Variants in MOV10L1 observed in about 807,000 individuals in gnomAD.
MOV10L1 encodes the protein RNA helicase Mov10l1.
Under a neutral mutation model 143.8 loss-of-function variants are expected in MOV10L1, and 110 were observed. The ratio of observed to expected loss-of-function variants is 0.76; its 90% CI spans 0.66 to 0.90. MOV10L1 has a LOEUF of 0.90. MOV10L1 is among the 40% of genes least tolerant of loss of function. The pLI is 0.00. For synonymous variants in MOV10L1, 593 were observed against 581.1 expected, an observed-to-expected ratio of 1.02 and a Z score of -0.29; for missense variants, 1,406 against 1,526.8, an observed-to-expected ratio of 0.92 and a Z score of 1.32.
chr22:50,091,843 T>G (rs2062452293), intron 1 of MOV10L1, among the ~76,000 whole-genome samples, 158 bp from the exon 2 acceptor site: 1 of 152,196 alleles, frequency 6.6e-6, no homozygotes, highest in Non-Finnish European at 1.5e-5. Context: ...CAGCACTCTC[T>G]GATGGGATTC....
At chr22:50,127,903 G>T (rs560282568) in intron 12 of MOV10L1, among the ~76,000 whole-genome samples, 2 of 152,074 alleles carry the variant, frequency 1.3e-5, no homozygotes, top group East Asian at 3.9e-4. Context: ...CTCCCAAGTA[G>T]CTGGGATTAC....
intron 12 of MOV10L1, 87 bp downstream of exon 12, chr22:50,126,359 G>A: frequency 1.0e-6 from 1 of 967,844 alleles, no homozygotes. Context: ...GGCTCTTGGG[G>A]AGATGCTCCC....
At chr22:50,092,371 C>T (rs1827422418) in intron 2 of MOV10L1, among the ~76,000 whole-genome samples, 186 bp downstream of exon 2, 2 of 152,192 alleles carry the variant, frequency 1.3e-5, no homozygotes, top group South Asian at 4.1e-4. Context: ...TGGCTCACGC[C>T]TGTAATCCCA....
In MOV10L1 at chr22:50,152,803, AC is replaced by A. The variant is rs1250185633; in HGVS notation, c.2893-241del. Reference sequence around the variant, plus strand: ...AGCGGCACCCAGACCCAGGAGAGGAACAGAGGGCAGCCGTCACACCCTTTTC... The same window carrying A: ...AGCGGCACCCAGACCCAGGAGAGGAAAGAGGGCAGCCGTCACACCCTTTTC... On this transcript the variant is annotated intron_variant, in intron 21 of 26. Transcript: ENST00000262794. This position sits in a 1 kb window ranked among gnomAD's most constrained non-coding sequence, Gnocchi z 4.4. 6.6e-6 allele frequency among the ~76,000 whole-genome samples: 1 copy of A among 152,120 alleles called. No individual in the cohort carries two copies. Among genetic ancestry groups the A allele is most frequent in the Non-Finnish European group, 1.5e-5 (1 of 68,006 alleles).
At chr22:50,142,231 C>A in intron 16 of MOV10L1, 42 bp downstream of exon 16, 1 of 1,524,282 alleles carries the variant, frequency 6.6e-7, no homozygotes, top group Non-Finnish European at 9.0e-7. Context: ...AACTCTGAGA[C>A]TGTCGCCTGG....
At chr22:50,108,524 A>G in intron 4 of MOV10L1, 133 bp from the exon 5 acceptor site, 1 of 923,680 alleles carries the variant, frequency 1.1e-6, no homozygotes, top group Non-Finnish European at 1.7e-6. Flanking sequence ...TCACTGGACC[A>G]GTGCTACGGG....
rs759250401 is a variant in MOV10L1 at position 50,092,207 on chromosome 22, G to A, written c.282+22G>A. On this transcript the variant is annotated intron_variant, in intron 2 of 26. Coordinates refer to ENST00000262794, the MANE Select transcript of MOV10L1 (RefSeq NM_018995.3). ...CAGGGTAAGGTTTGAGTTCATTTGGGAACAGTTTTTCTTCGCCACGGGACT... is the reference window on the plus strand; with the variant it reads ...CAGGGTAAGGTTTGAGTTCATTTGGAAACAGTTTTTCTTCGCCACGGGACT... The A allele has an allele frequency of 3.1e-6, 5 of 1,602,336 alleles. No homozygotes were observed. The Admixed American group carries it at 5.1e-5, about 16-fold the overall frequency.
chr22:50,144,146 A>G lies in MOV10L1; in HGVS notation c.2408A>G (p.Asn803Ser), dbSNP rs143335661. The G allele has an allele frequency of 5.8e-5, 94 of 1,613,374 alleles. No individual in the cohort carries two copies. The highest frequency in any genetic ancestry group is 7.1e-5 in the Non-Finnish European group (84 of 1,179,476). ...CGGATTTTAGTCTGTGCGCCCTCCAACAGTGCTGCTGACCTCGTGTGTCTG... is the reference window on the plus strand; with the variant it reads ...CGGATTTTAGTCTGTGCGCCCTCCAGCAGTGCTGCTGACCTCGTGTGTCTG... ...DSRILVCAPSNSAADLVCLRL... is the reference protein window; with the variant it reads ...DSRILVCAPSSSAADLVCLRL... The change falls in exon 18 of 27, where the codon AAC becomes AGC. Residue 803 changes from asparagine to serine, a missense_variant. Physicochemically the swap from Asn to Ser is conservative, Grantham distance 46. This residue lies in a region of MOV10L1 where 1,233 missense variants were observed against 1,351.4 expected (regional missense o/e 0.91). Transcript: ENST00000262794.
chr22:50,130,378 CT>C (rs2062637238), intron 13 of MOV10L1, among the ~76,000 whole-genome samples: 1 of 151,868 alleles, frequency 6.6e-6, no homozygotes, highest in Non-Finnish European at 1.5e-5. Context: ...AATATTAGTG[CT>C]TTTTATGTCT....
chr22:50,146,469 G>C (rs936634281), intron 19 of MOV10L1, among the ~76,000 whole-genome samples: 4 of 152,002 alleles, frequency 2.6e-5, no homozygotes, highest in African/African-American at 7.3e-5. Flanking sequence ...CCCAGTGCAG[G>C]GGGGTGGGGT....
At position 50,090,320 on chromosome 22, in the gene MOV10L1, TG is replaced by T. The variant is rs2062395137; in HGVS notation, c.97+137del. The stretch of plus-strand genomic sequence containing the variant: ...GGGCCCGGCCTTTCCTCATCTCCGC[TG>T]GCGGGGATCCCCGTTCGCCTCAGGA... On this transcript the variant is annotated intron_variant, in intron 1 of 26. Transcript: ENST00000262794. 12 of 1,471,734 alleles carry T rather than the reference TG, an allele frequency of 8.2e-6. No individual in the cohort carries two copies. In the South Asian group the frequency reaches 1.4e-4, roughly 17 times the overall value. 91.2% of individuals were successfully genotyped at this position (1,471,734 alleles called of 1,614,324 possible).
Position 50,105,204 on chromosome 22 carries a change from T to C in MOV10L1, c.443-2932T>C, listed in dbSNP as rs538380286. Among the ~76,000 whole-genome samples the C allele has an allele frequency of 2.6e-5, 4 of 152,358 alleles. No individual in the cohort carries two copies. The South Asian group carries it at 6.2e-4, about 24-fold the overall frequency. On this transcript the variant is annotated intron_variant, in intron 3 of 26. Coordinates refer to ENST00000262794, the MANE Select transcript of MOV10L1 (RefSeq NM_018995.3). ...TTGACAATTCTGTATTTTTTTCTAT[T>C]GAAATATATTACTGTTCCAGCCCAG... is the stretch of plus-strand genomic sequence containing the variant.
chr22:50,147,777 T>C (rs1410641501), intron 19 of MOV10L1, among the ~76,000 whole-genome samples: 1 of 152,274 alleles, frequency 6.6e-6, no homozygotes, highest in Non-Finnish European at 1.5e-5. Context: ...CTAGGAAAGA[T>C]ACATAATGTT....
At chr22:50,103,782 C>G (rs2061804029) in intron 3 of MOV10L1, among the ~76,000 whole-genome samples, 1 of 152,250 alleles carries the variant, frequency 6.6e-6, no homozygotes, top group South Asian at 2.1e-4. Context: ...CAAGTTATAC[C>G]AGTTTGTGCA....
chr22:50,122,967 C>T (rs1455166238), intron 10 of MOV10L1, among the ~76,000 whole-genome samples: 1 of 151,904 alleles, frequency 6.6e-6, no homozygotes, highest in Non-Finnish European at 1.5e-5. Flanking sequence ...GAATTACAGG[C>T]AAGTATGGGT....
chr22:50,149,580 G>T (rs752526474), intron 19 of MOV10L1, 35 bp from the exon 20 acceptor site: 1 of 1,604,910 alleles, frequency 6.2e-7, no homozygotes, highest in Non-Finnish European at 8.5e-7. Context: ...AAAACAATTC[G>T]GCAGAAATTA....
chr22:50,096,393 T>G (rs1438675617), intron 2 of MOV10L1: 3 of 152,274 alleles, frequency 2.0e-5, no homozygotes, highest in African/African-American at 7.2e-5. Flanking sequence ...ATTCATCTGT[T>G]GATGGACACT....
rs532070189 is a variant in MOV10L1 at position 50,114,463 on chromosome 22, C to T, written c.967C>T (p.Leu323=). Residue 323 remains leucine, a synonymous_variant, in exon 7 of 27, where the codon CTG becomes TTG. Transcript: ENST00000262794. ...DKSKQFRFQM[L]DKDQMCPVVS... ...ATCTAAACAATTCAGATTCCAAATG[C>T]TGGATAAAGACCAGATGTGCCCCGT... The T allele has an allele frequency of 1.2e-5, 20 of 1,614,162 alleles. No homozygotes were observed. The South Asian group carries it at 1.8e-4, about 14-fold the overall frequency.
At chr22:50,140,028 C>T (rs1053782308) in intron 15 of MOV10L1, among the ~76,000 whole-genome samples, 2 of 152,218 alleles carry the variant, frequency 1.3e-5, no homozygotes, top group Non-Finnish European at 1.5e-5. Context: ...AGGACCCATA[C>T]ACAAAGTTCA....
Sources: allele counts gnomAD v4.1 joint callset (sites outside exome capture counted in the v4.1 genomes callset), GRCh38; gene constraint gnomAD v4.1.1; regional missense constraint gnomAD v4.1.1; non-coding constraint Gnocchi (gnomAD v3.1); transcripts MANE v1.5; gene names NCBI Gene and HGNC (gene_info 2026-07-23, HGNC 2026-07-21).